The following UBE2Z variants were observed in gnomAD, a reference collection of about 807,000 sequenced individuals.
UBE2Z encodes ubiquitin conjugating enzyme E2 Z.
UBE2Z carries 10 observed loss-of-function variants against 32.6 expected under a neutral mutation model. The ratio of observed to expected loss-of-function variants is 0.31; its 90% CI spans 0.19 to 0.52. UBE2Z has a LOEUF of 0.52. Among genes scored for constraint, UBE2Z ranks in the 20% least tolerant of loss-of-function variants. The pLI, the probability that UBE2Z is intolerant of heterozygous loss-of-function variation, is 0.97. For synonymous variants in UBE2Z, 183 were observed against 190.8 expected (o/e 0.96, Z 0.34); for missense variants, 343 against 480.9 (o/e 0.71, Z 2.68).
At chr17:48,918,615 G>T (rs1425802084) in intron 4 of UBE2Z, among the ~76,000 whole-genome samples, 1 of 152,136 alleles carries the variant, frequency 6.6e-6, no homozygotes, top group Non-Finnish European at 1.5e-5. Flanking sequence ...TCACAGGTGT[G>T]AGCCACAGAG....
At chr17:48,917,096 G>GA (rs2040726229) in intron 4 of UBE2Z, among the ~76,000 whole-genome samples, 1 of 152,092 alleles carries the variant, frequency 6.6e-6, no homozygotes, top group Non-Finnish European at 1.5e-5. Flanking sequence ...CACAAGGTCA[G>GA]AAGTTTGAGA....
chr17:48,916,250 G>GTTTTTTTGTT, intron 4 of UBE2Z, 63 bp downstream of exon 4: 3 of 517,696 alleles, frequency 5.8e-6, no homozygotes, highest in Non-Finnish European at 8.8e-6. Flanking sequence ...TGGTTGGTTG[G>GTTTTTTTGTT]TTTTTTTGTT....
Position 48,916,192 on chromosome 17 carries a change from G to A in UBE2Z, c.690+5G>A. The stretch of plus-strand genomic sequence containing the variant: ...AATGAGCCCGGCTTTGAACAGGTAA[G>A]GCCAGATGGGCCTGGCTCTGGGGTG... On this transcript the variant is annotated splice_donor_5th_base_variant and intron_variant, in intron 4 of 6. Coordinates refer to ENST00000360943, the MANE Select transcript of UBE2Z (RefSeq NM_023079.5). 1.3e-6 allele frequency: 2 copies of A among 1,522,472 alleles called. No individual in the cohort carries two copies. The highest frequency in any genetic ancestry group is 1.3e-5 in the South Asian group (1 of 78,932). 94.3% of individuals were successfully genotyped at this position (1,522,472 alleles called of 1,614,324 possible). A position where few individuals can be genotyped will look rare whatever the true frequency, so the allele number is the denominator to read the frequency against.
intron 1 of UBE2Z, chr17:48,910,536 T>C (rs915536544): frequency 5.5e-6 from 2 of 363,752 alleles, no homozygotes; most frequent in African/African-American, 4.1e-5. Flanking sequence ...AGGCTGACAT[T>C]TGATGCCATT....
At chr17:48,925,584 A>G (rs938461602) in intron 6 of UBE2Z, among the ~76,000 whole-genome samples, 8 of 152,218 alleles carry the variant, frequency 5.3e-5, no homozygotes, top group African/African-American at 1.9e-4. Context: ...TTTGTTCCCC[A>G]TCAGGAATTC....
Position 48,916,265 on chromosome 17 carries a change from T to TTTTTTTTG in UBE2Z, c.690+85_690+86insGTTTTTTT. 6 of 690,950 alleles carry TTTTTTTTG rather than the reference T, an allele frequency of 8.7e-6. 1 individual carries two copies. The highest frequency in any genetic ancestry group is 1.3e-5 in the Non-Finnish European group (6 of 466,366). The allele number at this position is 690,950 out of a possible 1,614,324, so 42.8% of individuals were successfully genotyped here. A position where few individuals can be genotyped will look rare whatever the true frequency, so the allele number is the denominator to read the frequency against. Reference sequence around the variant, plus strand: ...TGGTTGGTTGGTTTTTTTGTTTTTTTTTTTTTTTGAGACAGAGTCTTCCTC... The same window carrying TTTTTTTTG: ...TGGTTGGTTGGTTTTTTTGTTTTTTTTTTTTTTGTTTTTTTTGAGACAGAGTCTTCCTC... On this transcript the variant is annotated intron_variant, in intron 4 of 6. Coordinates refer to ENST00000360943, the MANE Select transcript of UBE2Z (RefSeq NM_023079.5).
chr17:48,916,258 G>GTTTTTTTTTTTTTTTTTTTTTT (rs371253123), intron 4 of UBE2Z, 71 bp downstream of exon 4: 5 of 418,994 alleles, frequency 1.2e-5, no homozygotes, highest in Non-Finnish European at 1.1e-5. Flanking sequence ...TGGTTTTTTT[G>GTTTTTTTTTTTTTTTTTTTTTT]TTTTTTTTTT....
At chr17:48,924,913 A>G (rs4239161) in intron 6 of UBE2Z, among the ~76,000 whole-genome samples, 149,771 of 150,386 alleles carry the variant, frequency 1, 74,584 homozygotes, top group Middle Eastern at 1. Flanking sequence ...TTGGTAAGAG[A>G]ATGAGAATTC....
chr17:48,926,858 A>G (rs895714323), intron 6 of UBE2Z, 106 bp from the exon 7 acceptor site: 8 of 1,294,578 alleles, frequency 6.2e-6, no homozygotes, highest in African/African-American at 6.0e-5. Context: ...TCCTGCTCCC[A>G]TGGCTCAGAA....
chr17:48,910,739 C>T (rs546990785), intron 1 of UBE2Z, 69 bp from the exon 2 acceptor site: 1 of 1,209,000 alleles, frequency 8.3e-7, no homozygotes, highest in African/African-American at 1.5e-5. Context: ...AACAACTGTC[C>T]TGCTCAAGGG....
chr17:48,911,888 C>G (rs577085478), intron 2 of UBE2Z: 1 of 152,230 alleles, frequency 6.6e-6, no homozygotes, highest in South Asian at 2.1e-4. Flanking sequence ...ACGTCCCTTT[C>G]CTTTTGCTGT....
intron 4 of UBE2Z, among the ~76,000 whole-genome samples, chr17:48,918,229 T>G (rs546791841): frequency 6.6e-5 from 10 of 152,212 alleles, no homozygotes; most frequent in Middle Eastern, 6.8e-3. Context: ...TGAGCAACCA[T>G]GCCTGGCCAA....
intron 4 of UBE2Z, among the ~76,000 whole-genome samples, chr17:48,919,390 A>G (rs766422261): frequency 9.2e-5 from 14 of 152,214 alleles, no homozygotes; most frequent in Non-Finnish European, 1.3e-4. Context: ...CTCCCCTTCT[A>G]TTCACACCAT....
At chr17:48,911,844 A>C (rs2040680460) in intron 2 of UBE2Z, 2 of 152,186 alleles carry the variant, frequency 1.3e-5, no homozygotes, top group Admixed American at 1.3e-4. Context: ...CAGGAGGGCA[A>C]GGTGGGAACT....
intron 3 of UBE2Z, among the ~76,000 whole-genome samples, chr17:48,915,175 A>G (rs1421899474): frequency 3.9e-5 from 6 of 152,168 alleles, no homozygotes. Context: ...GTAAAGCTTC[A>G]GAGAGCAGTA....
intron 1 of UBE2Z, among the ~76,000 whole-genome samples, chr17:48,910,058 C>T (rs2040664990): frequency 6.6e-6 from 1 of 152,162 alleles, no homozygotes; most frequent in African/African-American, 2.4e-5. Context: ...CGCCTATTTG[C>T]CCTTTTTATG....
At chr17:48,917,281 A>G (rs1051029092) in intron 4 of UBE2Z, among the ~76,000 whole-genome samples, 2 of 152,114 alleles carry the variant, frequency 1.3e-5, no homozygotes, top group African/African-American at 4.8e-5. Context: ...TTCCAGCCTG[A>G]GCGACAGAGC....
chr17:48,922,844 C>T lies in UBE2Z; in HGVS notation c.804-3C>T. The stretch of plus-strand genomic sequence containing the variant: ...CACTTACACTTTTCTGCTTGTTTTC[C>T]AGAGGGGTGATGGAGAAGTCCTTTC... On this transcript the variant is annotated splice_polypyrimidine_tract_variant and splice_region_variant and intron_variant, in intron 5 of 6. Coordinates refer to ENST00000360943, the MANE Select transcript of UBE2Z (RefSeq NM_023079.5). 2 of 1,609,508 alleles carry T rather than the reference C, an allele frequency of 1.2e-6. No homozygotes were observed. The highest frequency in any genetic ancestry group is 1.1e-5 in the South Asian group (1 of 90,798).
At position 48,916,266 on chromosome 17, in the gene UBE2Z, T is replaced by G. The variant is rs552847412; in HGVS notation, c.690+79T>G. 115 of 687,210 alleles carry G rather than the reference T, an allele frequency of 1.7e-4. 3 individuals carry two copies. In the African/African-American group the frequency reaches 1.9e-3, roughly 11 times the overall value. The allele number at this position is 687,210 out of a possible 1,614,324, so 42.6% of individuals were successfully genotyped here. On this transcript the variant is annotated intron_variant, in intron 4 of 6. Transcript: ENST00000360943. Reference sequence around the variant, plus strand: ...GGTTGGTTGGTTTTTTTGTTTTTTTTTTTTTTTGAGACAGAGTCTTCCTCT... The same window carrying G: ...GGTTGGTTGGTTTTTTTGTTTTTTTGTTTTTTTGAGACAGAGTCTTCCTCT...
Sources: gnomAD v4.1 joint callset for allele counts (sites outside exome capture counted in the v4.1 genomes callset) on GRCh38, gnomAD v4.1.1 for gene constraint, MANE v1.5 for transcripts, NCBI Gene and HGNC (gene_info 2026-07-23, HGNC 2026-07-21) for gene names.